BRSK2: variants seen among roughly 807,000 people sequenced by gnomAD.
BRSK2 encodes the protein serine/threonine-protein kinase BRSK2.
BRSK2 carries 19 observed loss-of-function variants against 83.3 expected under a neutral mutation model. The ratio of observed to expected loss-of-function variants is 0.23; its 90% CI spans 0.16 to 0.33. BRSK2 has a LOEUF of 0.33. Ranked by LOEUF, BRSK2 falls within the 10% of genes least tolerant of loss-of-function variation. The pLI is 1.00. For missense variants in BRSK2, 798 were observed against 1,042.3 expected (o/e 0.77, Z 3.23); for synonymous variants, 519 against 435.4 (o/e 1.19, Z -2.39).
At chr11:1,410,919 C>T (rs1847409473) in intron 1 of BRSK2, 1 of 988,732 alleles carries the variant, frequency 1.0e-6, no homozygotes, top group Non-Finnish European at 1.2e-6. Flanking sequence ...GGGTGTTCCC[C>T]AGTCTCAGAG....
At chr11:1,460,452 T>A (rs1433913941) in intron 19 of BRSK2, 48 bp from the exon 20 acceptor site, 18 of 1,203,256 alleles carry the variant, frequency 1.5e-5, no homozygotes, top group Non-Finnish European at 1.9e-5. Context: ...CCCTTTTTTT[T>A]CTTTTTTCCT....
chr11:1,408,812 GGTGTGTGT>G (rs752611597), intron 1 of BRSK2, among the ~76,000 whole-genome samples: 3 of 143,154 alleles, frequency 2.1e-5, no homozygotes, highest in African/African-American at 5.6e-5. Flanking sequence ...TGCCTGTGCT[GGTGTGTGT>G]GTGTGTGTGT....
At chr11:1,446,361 GGCTGGGCTGA>G (rs1373724436) in intron 12 of BRSK2, among the ~76,000 whole-genome samples, 3 of 149,334 alleles carry the variant, frequency 2.0e-5, no homozygotes, top group Non-Finnish European at 1.5e-5. Flanking sequence ...AGCTGGGCAG[GGCTGGGCTGA>G]GCTGGGCAGG....
At chr11:1,458,898 C>T (rs559354147) in intron 18 of BRSK2, among the ~76,000 whole-genome samples, 8 of 152,282 alleles carry the variant, frequency 5.3e-5, no homozygotes, top group Non-Finnish European at 7.4e-5. Context: ...CCCAGGGCAC[C>T]GGCCATATCC....
At chr11:1,415,288 G>T (rs1168428894) in intron 1 of BRSK2, among the ~76,000 whole-genome samples, 1 of 151,968 alleles carries the variant, frequency 6.6e-6, no homozygotes, top group East Asian at 1.9e-4. Context: ...TAGAGAGGGG[G>T]TTTCACCATG....
intron 1 of BRSK2, among the ~76,000 whole-genome samples, chr11:1,415,925 T>C (rs1848054299): frequency 6.6e-6 from 1 of 152,272 alleles, no homozygotes; most frequent in South Asian, 2.1e-4. Context: ...TGAGTGCCCC[T>C]GGCAGTTCTT....
intron 2 of BRSK2, among the ~76,000 whole-genome samples, chr11:1,436,658 G>T (rs544872051): frequency 1.3e-5 from 2 of 152,080 alleles, no homozygotes; most frequent in East Asian, 3.9e-4. Flanking sequence ...GGGCGGCCCC[G>T]GCTGCTGGGA....
chr11:1,402,825 G>T (rs1846579546), intron 1 of BRSK2, among the ~76,000 whole-genome samples: 1 of 152,184 alleles, frequency 6.6e-6, no homozygotes, highest in South Asian at 2.1e-4. Context: ...AGCAGAGGAG[G>T]CGGGAGCGGC....
intron 1 of BRSK2, among the ~76,000 whole-genome samples, chr11:1,427,577 G>A (rs900388910): frequency 2.0e-5 from 3 of 152,180 alleles, no homozygotes; most frequent in East Asian, 1.9e-4. Flanking sequence ...TTGGGCACCC[G>A]CCGGCACACG....
At position 1,449,932 on chromosome 11, in the gene BRSK2, G is replaced by A. The variant is rs1284940597; in HGVS notation, c.1287+96G>A. 1.0e-5 allele frequency: 9 copies of A among 880,510 alleles called. No individual in the cohort carries two copies. The African/African-American group carries it at 1.5e-4, about 15-fold the overall frequency. The allele number at this position is 880,510 out of a possible 1,614,324, so 54.5% of individuals were successfully genotyped here. On this transcript the variant is annotated intron_variant, in intron 13 of 19. Transcript: ENST00000528841. ...GGGTGGGGGCAGCCTCGCGGACCCT[G>A]GGAAGCAGCCCCAGGCGCCCCCCAT...
chr11:1,437,207 G>A (rs1850431909), intron 2 of BRSK2, among the ~76,000 whole-genome samples: 1 of 152,174 alleles, frequency 6.6e-6, no homozygotes, highest in Non-Finnish European at 1.5e-5. Context: ...GCCTGGGGAT[G>A]CGGGAAAGGG....
chr11:1,391,652 A>G (rs1775971879), intron 1 of BRSK2, among the ~76,000 whole-genome samples: 1 of 152,138 alleles, frequency 6.6e-6, no homozygotes, highest in African/African-American at 2.4e-5. Flanking sequence ...CCTGGGTTGG[A>G]GAAGGAGGTG....
chr11:1,452,441 CATGAACAGACTCAT>C lies in BRSK2; in HGVS notation c.1544+1024_1544+1037del, dbSNP rs1208462184. Among the ~76,000 whole-genome samples, 3 of 152,252 alleles carry C rather than the reference CATGAACAGACTCAT, an allele frequency of 2.0e-5. No homozygotes were observed. The East Asian group carries it at 5.8e-4, about 29-fold the overall frequency. ...CGTTTCTGCTGCTACCAAAAGCTTT[CATGAACAGACTCAT>C]AATTATCTTCCTCAGAGAAGGTGGA... On this transcript the variant is annotated intron_variant, in intron 15 of 19. Coordinates refer to ENST00000528841, the MANE Select transcript of BRSK2 (RefSeq NM_001256627.2).
intron 1 of BRSK2, among the ~76,000 whole-genome samples, chr11:1,412,380 G>A (rs1234118286): frequency 1.1e-4 from 3 of 27,040 alleles, no homozygotes; most frequent in South Asian, 1.2e-3. Flanking sequence ...TCTCAGCTGC[G>A]CCGCCCCGTC....
At chr11:1,436,555 G>A (rs1381779137) in intron 2 of BRSK2, among the ~76,000 whole-genome samples, 2 of 152,114 alleles carry the variant, frequency 1.3e-5, no homozygotes, top group East Asian at 1.9e-4. Context: ...GGCCTCCGTC[G>A]GCTCCATCCG....
rs1564892560 is a variant in BRSK2 at position 1,459,407 on chromosome 11, AGG to A, written c.1987+169_1987+170del. On this transcript the variant is annotated intron_variant, in intron 19 of 19. Transcript: ENST00000528841. ...CCCCATCCTCTACCAGGAGCAGCCCAGGTCGCTCCCCTACCACAGCAAGCCCA... is the reference window on the plus strand; with the variant it reads ...CCCCATCCTCTACCAGGAGCAGCCCATCGCTCCCCTACCACAGCAAGCCCA... 2.1e-4 allele frequency: 149 copies of A among 720,534 alleles called. 1 individual carries two copies. Among genetic ancestry groups the A allele is most frequent in the Middle Eastern group, 1.0e-3 (3 of 2,994 alleles). 44.6% of individuals were successfully genotyped at this position (720,534 alleles called of 1,614,324 possible).
chr11:1,442,008 C>T (rs778632781), intron 4 of BRSK2, among the ~76,000 whole-genome samples: 1 of 117,204 alleles, frequency 8.5e-6, no homozygotes, highest in Non-Finnish European at 1.8e-5. Flanking sequence ...CCATTAGCTA[C>T]CTCTCAAGTG....
chr11:1,439,732 C>T (rs937917579), intron 3 of BRSK2, among the ~76,000 whole-genome samples: 1 of 151,898 alleles, frequency 6.6e-6, no homozygotes, highest in African/African-American at 2.4e-5. Flanking sequence ...CACCCTGGCC[C>T]CCACCACCTT....
chr11:1,454,180 C>CTCACCTGTGGGGGGA lies in BRSK2; in HGVS notation c.1545-295_1545-294insGGGGATCACCTGTGG. The CTCACCTGTGGGGGGA allele has an allele frequency of 3.7e-6, 1 of 270,166 alleles. No individual in the cohort carries two copies. The highest frequency in any genetic ancestry group is 7.3e-6 in the Non-Finnish European group (1 of 137,744). The allele number at this position is 270,166 out of a possible 1,614,324, so 16.7% of individuals were successfully genotyped here. A position where few individuals can be genotyped will look rare whatever the true frequency, so the allele number is the denominator to read the frequency against. On this transcript the variant is annotated intron_variant, in intron 15 of 19. Transcript: ENST00000528841. The surrounding 1 kb of genome is among the most constrained non-coding windows in gnomAD (Gnocchi z 5.2). Reference sequence around the variant, plus strand: ...TGAGGGGGGGCTCACCTGTGGGGGGCTCACCTGTGGAGGGGCATCCCCAGA... The same window carrying CTCACCTGTGGGGGGA: ...TGAGGGGGGGCTCACCTGTGGGGGGCTCACCTGTGGGGGGATCACCTGTGGAGGGGCATCCCCAGA...
Sources: gnomAD v4.1 joint callset for allele counts (sites outside exome capture counted in the v4.1 genomes callset) on GRCh38, gnomAD v4.1.1 for gene constraint, Gnocchi (gnomAD v3.1) non-coding constraint, MANE v1.5 for transcripts, NCBI Gene and HGNC (gene_info 2026-07-23, HGNC 2026-07-21) for gene names.